Variants in VANGL1 observed in about 807,000 individuals in gnomAD.
VANGL1 encodes VANGL planar cell polarity protein 1.
A neutral mutation model predicts 48.4 loss-of-function variants in VANGL1; 18 were observed. The ratio of observed to expected loss-of-function variants is 0.37; its 90% CI spans 0.26 to 0.55. The LOEUF is 0.55. VANGL1 is among the 20% of genes least tolerant of loss of function. The pLI, the probability that VANGL1 is intolerant of heterozygous loss-of-function variation, is 0.81. For synonymous variants in VANGL1, 257 were observed against 261.8 expected, an observed-to-expected ratio of 0.98 and a Z score of 0.18; for missense variants, 667 against 675.8, an observed-to-expected ratio of 0.99 and a Z score of 0.14.
Position 115,656,652 on chromosome 1 carries a change from G to T in VANGL1, c.72-2989G>T, listed in dbSNP as rs140243988. Among the ~76,000 whole-genome samples the T allele has an allele frequency of 3.1e-3, 467 of 152,332 alleles. 4 individuals are homozygous for T. Among genetic ancestry groups the T allele is most frequent in the African/African-American group, 0.011 (439 of 41,578 alleles). On this transcript the variant is annotated intron_variant, in intron 2 of 7. Transcript: ENST00000355485. ...ACAGATTCTTCTCTGGTTTCCCTCC[G>T]ATGTTATCAGGGGAATTGTTGGTTG...
chr1:115,655,441 C>T (rs764662586), intron 2 of VANGL1, among the ~76,000 whole-genome samples: 60 of 152,176 alleles, frequency 3.9e-4, no homozygotes, highest in Non-Finnish European at 6.9e-4. Flanking sequence ...GACACATGCC[C>T]GGGCTGCCTG....
At chr1:115,644,177 C>T (rs569435756) in intron 1 of VANGL1, among the ~76,000 whole-genome samples, 11 of 152,338 alleles carry the variant, frequency 7.2e-5, no homozygotes, top group African/African-American at 2.2e-4. Flanking sequence ...TAGCTAAGAA[C>T]ACAGGTTCTG....
chr1:115,691,047 G>T, intron 7 of VANGL1, 72 bp from the exon 8 acceptor site: 1 of 1,609,236 alleles, frequency 6.2e-7, no homozygotes, highest in Non-Finnish European at 8.5e-7. Flanking sequence ...TGTGAGAGTG[G>T]ATAGCCGCCT....
chr1:115,676,714 G>A (rs1012578338), intron 4 of VANGL1, among the ~76,000 whole-genome samples: 8 of 152,176 alleles, frequency 5.3e-5, no homozygotes. Context: ...GGATATTTAA[G>A]CTCATGAGAC....
rs1208615869 is a variant in VANGL1, at chr1:115,682,376, A to T, written c.825A>T (p.Ala275=). 6.2e-7 allele frequency: 1 copy of T among 1,614,096 alleles called. No individual in the cohort carries two copies. The highest frequency in any genetic ancestry group is 1.1e-5 in the South Asian group (1 of 91,094). ...YSLGHLSIQR[A]ALVVLENYYK... ...CTTTTTTTCTCAGTATCCAGCGAGC[A>T]GCATTGGTGGTCCTAGAAAATTACT... is the stretch of plus-strand genomic sequence containing the variant. Residue 275 remains alanine (A), a synonymous_variant, in exon 5 of 8, where the codon GCA becomes GCT. Coordinates refer to ENST00000355485, the MANE Select transcript of VANGL1 (RefSeq NM_138959.3).
At chr1:115,690,270 G>A (rs1236702563) in intron 7 of VANGL1, among the ~76,000 whole-genome samples, 1 of 152,226 alleles carries the variant, frequency 6.6e-6, no homozygotes, top group Non-Finnish European at 1.5e-5. Context: ...GCCTGAAGGA[G>A]GACATGTTAA....
chr1:115,666,685 G>T lies in VANGL1; in HGVS notation c.812+2417G>T, dbSNP rs74429033. On this transcript the variant is annotated intron_variant, in intron 4 of 7. Coordinates refer to ENST00000355485, the MANE Select transcript of VANGL1 (RefSeq NM_138959.3). ...AGGTGGTCCCCAGCCTCATCCTTTCGGCTTCTTTTTAGGACCATTGGTGTT... is the reference window on the plus strand; with the variant it reads ...AGGTGGTCCCCAGCCTCATCCTTTCTGCTTCTTTTTAGGACCATTGGTGTT... Among the ~76,000 whole-genome samples, 4 of 152,262 alleles carry T rather than the reference G, an allele frequency of 2.6e-5. No homozygotes were observed. The East Asian group carries it at 7.7e-4, about 29-fold the overall frequency.
chr1:115,686,455 T>G (rs1447378152), intron 7 of VANGL1, among the ~76,000 whole-genome samples: 1 of 151,892 alleles, frequency 6.6e-6, no homozygotes. Context: ...ATTATGATAT[T>G]TAGGACACTT....
At chr1:115,687,938 G>GTAGATAGA (rs71096827) in intron 7 of VANGL1, among the ~76,000 whole-genome samples, 7,449 of 112,634 alleles carry the variant, frequency 0.066, 1,151 homozygotes, top group Non-Finnish European at 0.081. Context: ...CATTCATTAG[G>GTAGATAGA]TAGATAGATA....
chr1:115,659,683 C>T lies in VANGL1; in HGVS notation c.114C>T (p.Asp38=), dbSNP rs201840785. 42 of 1,614,110 alleles carry T rather than the reference C, an allele frequency of 2.6e-5. No individual in the cohort carries two copies. The highest frequency in any genetic ancestry group is 1.6e-4 in the Middle Eastern group (1 of 6,062). ...RERHKSPRNK[D]GRGSEKSVTI... ...GACACAAGTCACCCCGGAATAAAGA[C>T]GGCAGAGGGTCAGAAAAGTCTGTCA... The change falls in exon 3 of 8, where the codon GAC becomes GAT. Residue 38 remains aspartate (D), a synonymous_variant. Transcript: ENST00000355485.
In VANGL1 at chr1:115,697,317, C is replaced by T. The variant is rs1210408744; in HGVS notation, c.*5938C>T. The T allele has an allele frequency of 6.6e-6, 1 of 152,154 alleles. No homozygotes were observed. Among genetic ancestry groups the T allele is most frequent in the Non-Finnish European group, 1.5e-5 (1 of 68,036 alleles). 9.4% of individuals were successfully genotyped at this position (152,154 alleles called of 1,614,324 possible). A position where few individuals can be genotyped will look rare whatever the true frequency, so the allele number is the denominator to read the frequency against. On this transcript the variant is annotated 3_prime_UTR_variant, in exon 8 of 8. Transcript: ENST00000355485. Reference sequence around the variant, plus strand: ...CCTCTCAGTTATAGAGGTAATGGAACATTCGCTTACTTTTCATCATCATTC... The same window carrying T: ...CCTCTCAGTTATAGAGGTAATGGAATATTCGCTTACTTTTCATCATCATTC...
In VANGL1 at chr1:115,694,349, A is replaced by G. The variant is rs1653956093; in HGVS notation, c.*2970A>G. 1 of 152,118 alleles carries G rather than the reference A, an allele frequency of 6.6e-6. No individual in the cohort carries two copies. Among genetic ancestry groups the G allele is most frequent in the Non-Finnish European group, 1.5e-5 (1 of 68,022 alleles). The allele number at this position is 152,118 out of a possible 1,614,324, so 9.4% of individuals were successfully genotyped here. On this transcript the variant is annotated 3_prime_UTR_variant, in exon 8 of 8. Coordinates refer to ENST00000355485, the MANE Select transcript of VANGL1 (RefSeq NM_138959.3). ...ATGGAAGACAAGTTCTTTACAGCAA[A>G]TGGTAAGAGGCAGGTGACCTGGTGT...
At chr1:115,660,532 T>C (rs949150177) in intron 3 of VANGL1, among the ~76,000 whole-genome samples, 1 of 152,224 alleles carries the variant, frequency 6.6e-6, no homozygotes, top group African/African-American at 2.4e-5. Context: ...AGTGGGTTCT[T>C]CTCCAGGTTC....
intron 3 of VANGL1, among the ~76,000 whole-genome samples, chr1:115,661,631 T>A (rs948179495): frequency 6.6e-6 from 1 of 152,120 alleles, no homozygotes; most frequent in African/African-American, 2.4e-5. Context: ...GTTTGTTTGT[T>A]TTTTGAGGCA....
At chr1:115,644,798 A>T (rs535524036) in intron 1 of VANGL1, among the ~76,000 whole-genome samples, 1 of 152,320 alleles carries the variant, frequency 6.6e-6, no homozygotes, top group East Asian at 1.9e-4. Context: ...AGAAATCTGT[A>T]CCCAGCTGCT....
chr1:115,686,289 G>A (rs375112186), intron 7 of VANGL1, among the ~76,000 whole-genome samples: 3 of 148,976 alleles, frequency 2.0e-5, no homozygotes, highest in East Asian at 2.0e-4. Flanking sequence ...ATAGAATGGC[G>A]TGAACCCAGG....
intron 7 of VANGL1, among the ~76,000 whole-genome samples, chr1:115,686,370 C>CAAA (rs10667490): frequency 0.02 from 2,089 of 104,548 alleles, 58 homozygotes; most frequent in African/African-American, 0.03. Flanking sequence ...AGACTCCGTC[C>CAAA]AAAAAAAAAA....
intron 3 of VANGL1, among the ~76,000 whole-genome samples, chr1:115,662,181 C>T (rs570683320): frequency 2.2e-4 from 34 of 151,972 alleles, no homozygotes; most frequent in African/African-American, 6.3e-4. Context: ...ACCTTCACCA[C>T]CACCGCTTCT....
rs572927120 is a variant in VANGL1 at position 115,689,026 on chromosome 1, C to T, written c.1315-2093C>T. Among the ~76,000 whole-genome samples the T allele has an allele frequency of 4.8e-3, 661 of 136,596 alleles. 129 individuals are homozygous for T. The highest frequency in any genetic ancestry group is 7.1e-3 in the Non-Finnish European group (447 of 62,836). The allele number at this position is 136,596 out of a possible 152,430, so 89.6% of individuals were successfully genotyped here. ...CAGGATGGTCTCAATCTCCTGACCT[C>T]GTGATCTGCCTGCTTCAACCTCCCA... is the stretch of plus-strand genomic sequence containing the variant. On this transcript the variant is annotated intron_variant, in intron 7 of 7. Transcript: ENST00000355485.
Sources: gnomAD v4.1 joint callset for allele counts (sites outside exome capture counted in the v4.1 genomes callset) on GRCh38, gnomAD v4.1.1 for gene constraint, MANE v1.5 for transcripts, NCBI Gene and HGNC (gene_info 2026-07-23, HGNC 2026-07-21) for gene names.